The following KEL variants were observed in gnomAD, a reference collection of about 807,000 sequenced individuals.
KEL encodes kell blood group glycoprotein.
Under a neutral mutation model 99.5 loss-of-function variants are expected in KEL, and 96 were observed. That is an observed-to-expected ratio of 0.97 (90% confidence interval 0.82 to 1.14). The LOEUF is 1.14. Ranked by LOEUF, KEL falls within the 50% of genes most tolerant of loss-of-function variation. The probability of loss-of-function intolerance (pLI) is 0.00; values close to 1 mark genes in which losing one functional copy is unlikely to be tolerated. For missense variants in KEL, 926 were observed against 924.2 expected, an observed-to-expected ratio of 1.00 and a Z score of -0.03; for synonymous variants, 355 against 354.8, an observed-to-expected ratio of 1.00 and a Z score of -0.01.
At chr7:142,955,711 T>C (rs1796814309) in intron 6 of KEL, among the ~76,000 whole-genome samples, 1 of 152,104 alleles carries the variant, frequency 6.6e-6, no homozygotes, top group South Asian at 2.1e-4. Context: ...CCCACTCTTA[T>C]CTTGAGCCAT....
At position 142,961,864 on chromosome 7, in the gene KEL, C is replaced by T; in HGVS notation, c.12G>A (p.Gly4=). 3 of 1,614,044 alleles carry T rather than the reference C, an allele frequency of 1.9e-6. No homozygotes were observed. In the Middle Eastern group the frequency reaches 4.9e-4, roughly 266 times the overall value. MEG[G]DQSEEEPRER... is the part of the protein sequence containing the mutation. Reference sequence around the variant, plus strand: ...CCCTCGGCTCTTCCTCACTTTGGTCCCCACCTTCCTGAAGTGAGTGGAGGG... The same window carrying T: ...CCCTCGGCTCTTCCTCACTTTGGTCTCCACCTTCCTGAAGTGAGTGGAGGG... Residue 4 remains glycine (G), a synonymous_variant, in exon 2 of 19, where the codon GGG becomes GGA. Transcript: ENST00000355265.
chr7:142,944,657 T>C lies in KEL; in HGVS notation c.1399A>G (p.Met467Val), dbSNP rs1796469153. Residue 467 changes from methionine to valine, a missense_variant, in exon 12 of 19, where the codon ATG becomes GTG. Met to Val is a conservative substitution (Grantham distance 21). Transcript: ENST00000355265. ...LPWMNEETQN[M>V]AQDKVAQLQV... ...CCTGGCCTGACCTTGTCCTGGGCCATGTTCTGGGTCTCCTCATTCATCCAG... is the reference window on the plus strand; with the variant it reads ...CCTGGCCTGACCTTGTCCTGGGCCACGTTCTGGGTCTCCTCATTCATCCAG... 3 of 1,613,372 alleles carry C rather than the reference T, an allele frequency of 1.9e-6. No homozygotes were observed. Among genetic ancestry groups the C allele is most frequent in the Non-Finnish European group, 2.5e-6 (3 of 1,179,344 alleles).
rs147851584 is a variant in KEL at position 142,942,882 on chromosome 7, G to A, written c.1934C>T (p.Ala645Val). 99 of 1,614,128 alleles carry A rather than the reference G, an allele frequency of 6.1e-5. No homozygotes were observed. Among genetic ancestry groups the A allele is most frequent in the East Asian group, 2.9e-4 (13 of 44,880 alleles). Reference protein sequence around the residue: ...NAADVGGLAIALQAYSKRLLR... With the variant: ...NAADVGGLAIVLQAYSKRLLR... ...CCCTTGACACTTGCATACCTGCAGC[G>A]CGATGGCTAGCCCCCCAACGTCTGC... Residue 645 changes from alanine (A) to valine (V), a missense_variant, in exon 17 of 19, where the codon GCG becomes GTG. Coordinates refer to ENST00000355265, the MANE Select transcript of KEL (RefSeq NM_000420.3).
intron 5 of KEL, 92 bp downstream of exon 5, chr7:142,958,212 C>A (rs1043948135): frequency 6.3e-7 from 1 of 1,588,266 alleles, no homozygotes. Context: ...AGGAAGAAGA[C>A]CCACCCTCTA....
At chr7:142,953,427 C>T (rs955584914) in intron 9 of KEL, 1 of 979,066 alleles carries the variant, frequency 1.0e-6, no homozygotes, top group South Asian at 4.7e-5. Context: ...CTCCTGCCCA[C>T]AGTCCTCAGC....
intron 6 of KEL, among the ~76,000 whole-genome samples, chr7:142,955,644 T>G (rs1796813159): frequency 6.6e-6 from 1 of 152,172 alleles, no homozygotes; most frequent in Non-Finnish European, 1.5e-5. Context: ...GAACCCTTGT[T>G]TCTATTCTGA....
intron 9 of KEL, 25 bp from the exon 10 acceptor site, chr7:142,952,663 C>T (rs564462943): frequency 1.3e-5 from 21 of 1,613,452 alleles, no homozygotes; most frequent in South Asian, 3.3e-5. Context: ...GAGACCCACA[C>T]ATATACCCCA....
intron 18 of KEL, 190 bp downstream of exon 18, chr7:142,942,244 G>A: frequency 1.7e-6 from 1 of 605,864 alleles, no homozygotes; most frequent in Non-Finnish European, 3.0e-6. Flanking sequence ...CTAGGTAGAA[G>A]AACCTGTAGT....
chr7:142,961,712 T>A, intron 2 of KEL, 83 bp downstream of exon 2: 1 of 1,325,942 alleles, frequency 7.5e-7, no homozygotes, highest in Non-Finnish European at 1.1e-6. Flanking sequence ...AAGCAGACAG[T>A]TAGTAGATGA....
At chr7:142,953,733 C>T in intron 9 of KEL, 75 bp downstream of exon 9, 2 of 1,573,386 alleles carry the variant, frequency 1.3e-6, no homozygotes, top group Non-Finnish European at 1.7e-6. Context: ...CCCAAGGTTT[C>T]CTTTGCCCCC....
intron 17 of KEL, 57 bp downstream of exon 17, chr7:142,942,818 G>T (rs773342756): frequency 4.4e-6 from 7 of 1,589,020 alleles, no homozygotes; most frequent in Non-Finnish European, 6.0e-6. Context: ...GAAAACTTGA[G>T]GACATGTTTT....
At chr7:142,961,303 T>C in intron 3 of KEL, 57 bp downstream of exon 3, 7 of 1,608,236 alleles carry the variant, frequency 4.4e-6, no homozygotes, top group Non-Finnish European at 6.0e-6. Flanking sequence ...GGACTGGGCC[T>C]GGGCCCCAGG....
Position 142,957,872 on chromosome 7 carries a change from G to A in KEL, c.627C>T (p.Ala209=). 1 of 1,614,132 alleles carries A rather than the reference G, an allele frequency of 6.2e-7. No homozygotes were observed. Among genetic ancestry groups the A allele is most frequent in the Non-Finnish European group, 8.5e-7 (1 of 1,180,000 alleles). Residue 209 remains alanine, a synonymous_variant, in exon 6 of 19, where the codon GCC becomes GCT. Transcript: ENST00000355265. ...GAGAGGCAGGATGAGGTCCTAGGTA[G>A]GCTCTGAAGAAAGGGAAATGGCCAT... The part of the protein sequence containing the change: ...SQYGHFPFFR[A]YLGPHPASPH...
rs758315599 is a variant in KEL, at chr7:142,942,456, A to T, written c.2015T>A (p.Ile672Asn). The change falls in exon 18 of 19, where the codon ATC becomes AAC. Residue 672 changes from isoleucine to asparagine, a missense_variant. Ile to Asn is a moderately radical substitution (Grantham distance 149, BLOSUM62 -3). Transcript: ENST00000355265. Reference protein sequence around the residue: ...LPSLDLSPQQIFFRSYAQVMC... With the variant: ...LPSLDLSPQQNFFRSYAQVMC... ...TACCTGGGCATAGCTTCGAAAGAAG[A>T]TCTGCTGGGGGCTGAGGTCCAGGCT... 6.2e-7 allele frequency: 1 copy of T among 1,604,354 alleles called. No individual in the cohort carries two copies. Among genetic ancestry groups the T allele is most frequent in the Non-Finnish European group, 8.5e-7 (1 of 1,175,022 alleles).
chr7:142,948,729 A>G (rs1796596874), intron 10 of KEL, among the ~76,000 whole-genome samples: 1 of 152,168 alleles, frequency 6.6e-6, no homozygotes, highest in Non-Finnish European at 1.5e-5. Context: ...CGGAAGCCGC[A>G]AACTCCAATA....
At chr7:142,944,257 T>A in intron 13 of KEL, 66 bp downstream of exon 13, 1 of 1,275,230 alleles carries the variant, frequency 7.8e-7, no homozygotes, top group Non-Finnish European at 1.1e-6. Flanking sequence ...AACAAAGACT[T>A]AGGAGGGTCA....
At chr7:142,956,890 G>A (rs1365922450) in intron 6 of KEL, among the ~76,000 whole-genome samples, 2 of 152,128 alleles carry the variant, frequency 1.3e-5, no homozygotes, top group Admixed American at 6.5e-5. Context: ...TTTGACAGTA[G>A]GGCCCAAATA....
intron 10 of KEL, among the ~76,000 whole-genome samples, chr7:142,949,728 C>CAT (rs1228528172): frequency 4.0e-5 from 6 of 151,432 alleles, no homozygotes; most frequent in African/African-American, 1.2e-4. Flanking sequence ...AGGATCTTAA[C>CAT]AGTAGTCTGG....
rs1356745240 is a variant in KEL at position 142,943,768 on chromosome 7, C to T, written c.1592+15G>A. On this transcript the variant is annotated intron_variant, in intron 14 of 18. Transcript: ENST00000355265. Reference sequence around the variant, plus strand: ...TCTCTGGGATGGAGTGCCTGTGTCTCCCCTGCTGTCATACCTGTGTTGGGG... The same window carrying T: ...TCTCTGGGATGGAGTGCCTGTGTCTTCCCTGCTGTCATACCTGTGTTGGGG... 7 of 1,609,448 alleles carry T rather than the reference C, an allele frequency of 4.3e-6. No individual in the cohort carries two copies. In the South Asian group the frequency reaches 7.7e-5, roughly 18 times the overall value.
Sources: allele counts gnomAD v4.1 joint callset (sites outside exome capture counted in the v4.1 genomes callset), GRCh38; gene constraint gnomAD v4.1.1; transcripts MANE v1.5; gene names NCBI Gene and HGNC (gene_info 2026-07-23, HGNC 2026-07-21).